The following ZFHX3 variants were observed in gnomAD, a reference collection of about 807,000 sequenced individuals.
The protein encoded by ZFHX3 is zinc finger homeobox protein 3.
Under a neutral mutation model 279.1 loss-of-function variants are expected in ZFHX3, and 42 were observed. The observed-to-expected ratio is 0.15, with a 90% CI of 0.12 to 0.19. The LOEUF (loss-of-function observed/expected upper bound fraction) is 0.19, where lower values mean the gene tolerates loss of function less well. ZFHX3 is among the 10% of genes least tolerant of loss of function. The probability of loss-of-function intolerance (pLI) is 1.00; values close to 1 mark genes in which losing one functional copy is unlikely to be tolerated. For synonymous variants in ZFHX3, 2,293 were observed against 1,957.8 expected (o/e 1.17, Z -4.52); for missense variants, 4,981 against 4,754.0 (o/e 1.05, Z -1.40).
intron 2 of ZFHX3, among the ~76,000 whole-genome samples, chr16:73,513,174 C>A (rs941336290): frequency 3.9e-5 from 6 of 152,154 alleles, no homozygotes; most frequent in Non-Finnish European, 7.3e-5. Context: ...GACAGATGGA[C>A]AGCTCTTTGA....
At chr16:73,767,901 A>G (rs985764032) in intron 1 of ZFHX3, among the ~76,000 whole-genome samples, 2 of 152,240 alleles carry the variant, frequency 1.3e-5, no homozygotes, top group African/African-American at 4.8e-5. Flanking sequence ...AAAGGGACTA[A>G]TTGCAAAGGT....
intron 2 of ZFHX3, among the ~76,000 whole-genome samples, chr16:73,516,970 C>T (rs543354932): frequency 1.3e-5 from 2 of 152,256 alleles, no homozygotes; most frequent in African/African-American, 2.4e-5. Flanking sequence ...TACATGAGAT[C>T]AAGTACAGAA....
intron 6 of ZFHX3, chr16:73,134,673 G>T (rs143708334): frequency 1.1e-4 from 17 of 151,986 alleles, no homozygotes; most frequent in African/African-American, 4.1e-4. Flanking sequence ...AAGTCCCTGA[G>T]ACAGTACCCA....
chr16:73,646,851 C>CA (rs1373824095), intron 2 of ZFHX3, among the ~76,000 whole-genome samples: 1 of 152,108 alleles, frequency 6.6e-6, no homozygotes, highest in Non-Finnish European at 1.5e-5. Flanking sequence ...GCCTCAAACT[C>CA]AGCCAGTTTT....
At position 73,773,014 on chromosome 16, in the gene ZFHX3, G is replaced by A. The variant is rs114482759; in HGVS notation, c.-1607-92774C>T. On this transcript the variant is annotated intron_variant, in intron 1 of 17. Coordinates refer to the ZFHX3 transcript ENST00000641206. Reference sequence around the variant, plus strand: ...GCTGTGTCATGCTATCCTAGGTAGAGGATTTTGGGTCCTTAGACCCAGGCT... The same window carrying A: ...GCTGTGTCATGCTATCCTAGGTAGAAGATTTTGGGTCCTTAGACCCAGGCT... Among the ~76,000 whole-genome samples the A allele has an allele frequency of 6.1e-4, 93 of 152,332 alleles. 1 individual carries two copies. Among genetic ancestry groups the A allele is most frequent in the African/African-American group, 2.2e-3 (91 of 41,580 alleles).
chr16:73,058,498 GA>G (rs998912286), intron 1 of ZFHX3: 3,110 of 135,340 alleles, frequency 0.023, 89 homozygotes, highest in African/African-American at 0.077. Context: ...GCGGCGGCGG[GA>G]AAAAAAAAAG....
intron 1 of ZFHX3, among the ~76,000 whole-genome samples, chr16:73,844,118 C>T (rs1961384631): frequency 6.6e-6 from 1 of 151,982 alleles, no homozygotes. Context: ...TACTTTCAAA[C>T]AAGTGTTTCA....
intron 4 of ZFHX3, among the ~76,000 whole-genome samples, chr16:73,290,344 G>A (rs1468092562): frequency 1.3e-5 from 2 of 151,976 alleles, no homozygotes; most frequent in Non-Finnish European, 2.9e-5. Flanking sequence ...AAGCCCCCTC[G>A]AAAAAAACAC....
At chr16:73,264,156 G>A (rs2013901127) in intron 4 of ZFHX3, among the ~76,000 whole-genome samples, 1 of 152,170 alleles carries the variant, frequency 6.6e-6, no homozygotes. Context: ...AACAGAGCAA[G>A]ACTCTATCTG....
At chr16:73,544,831 G>C (rs1487855978) in intron 2 of ZFHX3, among the ~76,000 whole-genome samples, 1 of 152,140 alleles carries the variant, frequency 6.6e-6, no homozygotes, top group African/African-American at 2.4e-5. Flanking sequence ...CCGTGGACAT[G>C]ACTTCTTGTT....
chr16:73,712,364 C>T (rs957641453), intron 1 of ZFHX3, among the ~76,000 whole-genome samples: 2 of 152,204 alleles, frequency 1.3e-5, no homozygotes, highest in African/African-American at 4.8e-5. Context: ...GGGGCCTTCT[C>T]CTCAGTGGGT....
chr16:72,870,649 C>T (rs1440381657), intron 4 of ZFHX3, among the ~76,000 whole-genome samples: 2 of 133,220 alleles, frequency 1.5e-5, no homozygotes, highest in Non-Finnish European at 3.1e-5. Context: ...ACCCAGGAGG[C>T]GGAGCTTGCA....
At chr16:73,546,583 G>C (rs2020111734) in intron 2 of ZFHX3, among the ~76,000 whole-genome samples, 1 of 152,098 alleles carries the variant, frequency 6.6e-6, no homozygotes, top group African/African-American at 2.4e-5. Flanking sequence ...TGTGCTCGTA[G>C]GTTTGATTGG....
chr16:73,189,902 TG>T (rs1967990866), intron 5 of ZFHX3, among the ~76,000 whole-genome samples: 2 of 152,014 alleles, frequency 1.3e-5, no homozygotes, highest in South Asian at 4.1e-4. Context: ...AAGACCAGCC[TG>T]GGCAACATAG....
At chr16:73,294,277 G>A (rs2014849141) in intron 4 of ZFHX3, 1 of 152,158 alleles carries the variant, frequency 6.6e-6, no homozygotes, top group African/African-American at 2.4e-5. Flanking sequence ...TAGCCTAGAA[G>A]GTTGAGAACC....
intron 7 of ZFHX3, among the ~76,000 whole-genome samples, chr16:73,115,588 C>T (rs1159204950): frequency 2.0e-5 from 3 of 152,132 alleles, no homozygotes; most frequent in Middle Eastern, 3.4e-3. Context: ...TTCAGCATCT[C>T]CCACCTTCTA....
chr16:73,253,064 G>C (rs1452693702), intron 5 of ZFHX3, among the ~76,000 whole-genome samples: 2 of 152,200 alleles, frequency 1.3e-5, no homozygotes, highest in Non-Finnish European at 2.9e-5. Context: ...CTCCCAGGCT[G>C]TTCCAGGCGA....
intron 4 of ZFHX3, among the ~76,000 whole-genome samples, chr16:72,857,003 G>C (rs1182952018): frequency 6.6e-6 from 1 of 152,206 alleles, no homozygotes; most frequent in Non-Finnish European, 1.5e-5. Flanking sequence ...TGATGCTTCA[G>C]ATCACACCTC....
At chr16:73,382,061 A>G (rs2016826550) in intron 3 of ZFHX3, among the ~76,000 whole-genome samples, 1 of 152,254 alleles carries the variant, frequency 6.6e-6, no homozygotes, top group Admixed American at 6.5e-5. Context: ...CCTGTGGGCC[A>G]TAGTTTGTCA....
Sources: allele counts gnomAD v4.1 joint callset (sites outside exome capture counted in the v4.1 genomes callset), GRCh38; gene constraint gnomAD v4.1.1; transcripts MANE v1.5; gene names NCBI Gene and HGNC (gene_info 2026-07-23, HGNC 2026-07-21).